Variants in GSTCD observed in about 807,000 individuals in gnomAD.
The protein encoded by GSTCD is glutathione S-transferase C-terminal domain containing.
GSTCD carries 44 observed loss-of-function variants against 68.3 expected under a neutral mutation model. That is an observed-to-expected ratio of 0.64 (90% CI 0.51 to 0.83). The LOEUF is 0.83. GSTCD is among the 40% of genes least tolerant of loss of function. GSTCD has a pLI of 0.00. For synonymous variants in GSTCD, 273 were observed against 255.2 expected, an observed-to-expected ratio of 1.07 and a Z score of -0.67; for missense variants, 739 against 735.9, an observed-to-expected ratio of 1.00 and a Z score of -0.05.
At chr4:105,844,289 G>A (rs1237167152) in intron 11 of GSTCD, among the ~76,000 whole-genome samples, 2 of 152,072 alleles carry the variant, frequency 1.3e-5, no homozygotes, top group Non-Finnish European at 2.9e-5. Flanking sequence ...AAAGAATGTC[G>A]GCCATAAGGC....
intron 5 of GSTCD, among the ~76,000 whole-genome samples, chr4:105,797,324 C>A (rs964664932): frequency 2.6e-5 from 4 of 151,666 alleles, no homozygotes; most frequent in Admixed American, 2.6e-4. Flanking sequence ...TACCAGCATA[C>A]CTTGGCGATA....
intron 5 of GSTCD, among the ~76,000 whole-genome samples, chr4:105,783,390 A>G (rs1192131810): frequency 6.6e-6 from 1 of 152,184 alleles, no homozygotes; most frequent in Non-Finnish European, 1.5e-5. Context: ...GGTAAAATTC[A>G]GGGTGGTGTG....
intron 9 of GSTCD, among the ~76,000 whole-genome samples, chr4:105,836,713 C>A (rs1264384499): frequency 6.6e-6 from 1 of 152,188 alleles, no homozygotes; most frequent in East Asian, 1.9e-4. Context: ...GGCTCAGCCT[C>A]AACTTTTGGT....
At chr4:105,743,874 A>G (rs929559202) in intron 5 of GSTCD, among the ~76,000 whole-genome samples, 1 of 151,804 alleles carries the variant, frequency 6.6e-6, no homozygotes, top group African/African-American at 2.4e-5. Context: ...GCTAGCCAGG[A>G]TGGTCTCAAT....
chr4:105,763,197 C>T (rs753208476), intron 5 of GSTCD, among the ~76,000 whole-genome samples: 1 of 152,058 alleles, frequency 6.6e-6, no homozygotes, highest in Non-Finnish European at 1.5e-5. Context: ...TTATGAACCC[C>T]TTTATTATTT....
At chr4:105,773,205 C>T (rs1578461552) in intron 5 of GSTCD, among the ~76,000 whole-genome samples, 1 of 151,876 alleles carries the variant, frequency 6.6e-6, no homozygotes, top group East Asian at 1.9e-4. Flanking sequence ...TGGTGATATC[C>T]CCTTTATCAT....
chr4:105,802,255 G>A (rs1194549962), intron 5 of GSTCD, among the ~76,000 whole-genome samples: 3 of 152,194 alleles, frequency 2.0e-5, no homozygotes, highest in South Asian at 4.1e-4. Flanking sequence ...AAATGCAGCT[G>A]TGTAAAGTAT....
intron 5 of GSTCD, among the ~76,000 whole-genome samples, chr4:105,750,399 G>T (rs1056736991): frequency 2.7e-5 from 4 of 150,556 alleles, no homozygotes; most frequent in African/African-American, 9.8e-5. Flanking sequence ...GGCGGAGGTT[G>T]CTGTGAGCCG....
intron 5 of GSTCD, among the ~76,000 whole-genome samples, chr4:105,816,764 G>T (rs747915772): frequency 7.2e-5 from 11 of 151,978 alleles, no homozygotes; most frequent in Non-Finnish European, 1.5e-4. Flanking sequence ...AGACATAACA[G>T]ATCATATTGA....
chr4:105,804,779 T>A (rs963405717), intron 5 of GSTCD, among the ~76,000 whole-genome samples: 4 of 152,080 alleles, frequency 2.6e-5, no homozygotes, highest in African/African-American at 9.7e-5. Flanking sequence ...TTAGCTATTT[T>A]TCCTGATGCT....
chr4:105,728,396 C>G (rs1489381912), intron 4 of GSTCD, among the ~76,000 whole-genome samples: 1 of 152,016 alleles, frequency 6.6e-6, no homozygotes, highest in Non-Finnish European at 1.5e-5. Flanking sequence ...TGTGGCTAGA[C>G]TGAAGAAGAT....
chr4:105,738,621 TTCTTGTTTG>T (rs1469336635), intron 5 of GSTCD, among the ~76,000 whole-genome samples: 1 of 152,186 alleles, frequency 6.6e-6, no homozygotes. Flanking sequence ...TCATTTTTTT[TTCTTGTTTG>T]TCTTGTTTGT....
intron 4 of GSTCD, among the ~76,000 whole-genome samples, chr4:105,729,064 G>A (rs1000937819): frequency 6.6e-6 from 1 of 151,772 alleles, no homozygotes; most frequent in Non-Finnish European, 1.5e-5. Context: ...ATTTCTATGT[G>A]GATTGTTTTT....
intron 5 of GSTCD, among the ~76,000 whole-genome samples, chr4:105,816,122 A>C (rs774030686): frequency 8.5e-5 from 13 of 152,122 alleles, no homozygotes; most frequent in Non-Finnish European, 1.8e-4. Context: ...AAGAGATGTG[A>C]TTATACTTTC....
chr4:105,820,112 A>T (rs1723210874), intron 5 of GSTCD, among the ~76,000 whole-genome samples: 1 of 151,726 alleles, frequency 6.6e-6, no homozygotes, highest in Non-Finnish European at 1.5e-5. Context: ...CTGGTGGTAC[A>T]TGTACACATT....
Position 105,717,989 on chromosome 4 carries a change from C to G in GSTCD, c.376C>G (p.Leu126Val), listed in dbSNP as rs774671068. The G allele has an allele frequency of 1.4e-5, 22 of 1,612,650 alleles. No homozygotes were observed. The highest frequency in any genetic ancestry group is 5.5e-5 in the South Asian group (5 of 90,798). Residue 126 changes from leucine (L) to valine (V), a missense_variant, in exon 2 of 12, where the codon CTT (leucine) becomes GTT (valine). Leu to Val is a conservative substitution (Grantham distance 32). Transcript: ENST00000515279. Reference protein sequence around the residue: ...SYEADPLKKELLELLGFKKTC... With the variant: ...SYEADPLKKEVLELLGFKKTC... ...TGAAGCAGACCCCTTAAAGAAGGAA[C>G]TTTTGGAACTTCTGGGCTTTAAAAA...
chr4:105,720,167 G>A (rs73839009), intron 3 of GSTCD, among the ~76,000 whole-genome samples: 1 of 108,044 alleles, frequency 9.3e-6, no homozygotes, highest in Non-Finnish European at 1.7e-5. Context: ...CTCTCTCTCT[G>A]TCTGTCTTAC....
intron 5 of GSTCD, chr4:105,761,044 C>T (rs1478830854): frequency 1.8e-5 from 4 of 218,030 alleles, no homozygotes; most frequent in Non-Finnish European, 3.3e-5. Context: ...TGCTCTGTCA[C>T]TCAGGCTGGA....
intron 10 of GSTCD, among the ~76,000 whole-genome samples, chr4:105,838,809 A>G (rs1421717795): frequency 1.3e-5 from 2 of 152,272 alleles, no homozygotes; most frequent in Non-Finnish European, 1.5e-5. Flanking sequence ...AGAAAAATAT[A>G]TAAATAATTC....
Sources: allele counts gnomAD v4.1 joint callset (sites outside exome capture counted in the v4.1 genomes callset), GRCh38; gene constraint gnomAD v4.1.1; transcripts MANE v1.5; gene names NCBI Gene and HGNC (gene_info 2026-07-23, HGNC 2026-07-21).